Variants in KCNB2 observed in about 807,000 individuals in gnomAD.
The protein encoded by KCNB2 is delayed rectifier potassium channel protein.
Under a neutral mutation model 61.5 loss-of-function variants are expected in KCNB2, and 15 were observed. That is an observed-to-expected ratio of 0.24 (90% CI 0.16 to 0.38). The LOEUF (loss-of-function observed/expected upper bound fraction) is 0.38. KCNB2 is among the 10% of genes least tolerant of loss of function. The probability of loss-of-function intolerance (pLI) is 1.00; values close to 1 mark genes in which losing one functional copy is unlikely to be tolerated. For missense variants in KCNB2, 828 were observed against 1,125.2 expected (o/e 0.74, Z 3.78); for synonymous variants, 457 against 446.0 (o/e 1.02, Z -0.31).
At chr8:72,665,233 A>G (rs1357438753) in intron 2 of KCNB2, among the ~76,000 whole-genome samples, 1 of 152,212 alleles carries the variant, frequency 6.6e-6, no homozygotes. Context: ...AACCCAAACA[A>G]GAGGACCACG....
intron 1 of KCNB2, among the ~76,000 whole-genome samples, chr8:72,555,497 T>C (rs1191858569): frequency 1.3e-5 from 2 of 151,868 alleles, no homozygotes; most frequent in African/African-American, 4.8e-5. Flanking sequence ...TACACCGACA[T>C]GTTCTTTTAT....
chr8:72,684,155 T>C (rs1806809362), intron 2 of KCNB2, among the ~76,000 whole-genome samples: 1 of 152,066 alleles, frequency 6.6e-6, no homozygotes, highest in Admixed American at 6.6e-5. Context: ...TCTACAGGGG[T>C]TGGTAACTGA....
intron 2 of KCNB2, among the ~76,000 whole-genome samples, chr8:72,630,724 A>C (rs1425096880): frequency 2.0e-5 from 3 of 152,204 alleles, no homozygotes; most frequent in Non-Finnish European, 4.4e-5. Flanking sequence ...TAATTGCCCA[A>C]ATTAGTGGCC....
chr8:72,560,824 T>C (rs1806499367), intron 1 of KCNB2, among the ~76,000 whole-genome samples: 1 of 152,202 alleles, frequency 6.6e-6, no homozygotes, highest in Admixed American at 6.5e-5. Flanking sequence ...TTTTTTCTGG[T>C]CAGCTATGTT....
At chr8:72,561,708 T>TAC (rs1672695308) in intron 1 of KCNB2, among the ~76,000 whole-genome samples, 3 of 21,096 alleles carry the variant, frequency 1.4e-4, no homozygotes, top group African/African-American at 5.6e-4. Context: ...TATATATATA[T>TAC]ATATATATAT....
intron 2 of KCNB2, among the ~76,000 whole-genome samples, chr8:72,907,987 A>G (rs1806208235): frequency 6.6e-6 from 1 of 152,164 alleles, no homozygotes; most frequent in Non-Finnish European, 1.5e-5. Context: ...AAGACCATTT[A>G]TCTCTTCTTC....
rs180927709 is a variant in KCNB2, at chr8:72,791,582, A to G, written c.580-144353A>G. 1.5e-3 allele frequency among the ~76,000 whole-genome samples: 223 copies of G among 152,206 alleles called. 1 individual carries two copies. Among genetic ancestry groups the G allele is most frequent in the Non-Finnish European group, 2.3e-3 (158 of 68,004 alleles). On this transcript the variant is annotated intron_variant, in intron 2 of 2. Transcript: ENST00000523207. ...AAAGAAAGAAAGAAAGAACTCTTGGATCCAGGCTTCACTTACTCCTTAGAG... is the reference window on the plus strand; with the variant it reads ...AAAGAAAGAAAGAAAGAACTCTTGGGTCCAGGCTTCACTTACTCCTTAGAG...
chr8:72,593,784 A>G (rs1367685945), intron 2 of KCNB2, among the ~76,000 whole-genome samples: 1 of 152,180 alleles, frequency 6.6e-6, no homozygotes, highest in African/African-American at 2.4e-5. Flanking sequence ...GCCATTTTTT[A>G]TGGCATTTAA....
chr8:72,624,333 G>GT (rs1302627776), intron 2 of KCNB2, among the ~76,000 whole-genome samples: 2 of 152,260 alleles, frequency 1.3e-5, no homozygotes, highest in Non-Finnish European at 2.9e-5. Flanking sequence ...CGAAGAAGAA[G>GT]CACACATTAA....
At chr8:72,890,107 T>C (rs114982207) in intron 2 of KCNB2, among the ~76,000 whole-genome samples, 4,674 of 152,324 alleles carry the variant, frequency 0.031, 236 homozygotes, top group African/African-American at 0.11. Context: ...GAACATGTTC[T>C]TTAATCATCT....
At chr8:72,817,566 G>A (rs962369695) in intron 2 of KCNB2, among the ~76,000 whole-genome samples, 3 of 152,148 alleles carry the variant, frequency 2.0e-5, no homozygotes, top group Admixed American at 6.5e-5. Flanking sequence ...GAGGGTGACT[G>A]ATCAGATTTC....
chr8:72,616,254 T>C (rs1344325876), intron 2 of KCNB2, among the ~76,000 whole-genome samples: 1 of 152,222 alleles, frequency 6.6e-6, no homozygotes. Flanking sequence ...TGGTATAAAA[T>C]TAGATCTGCA....
chr8:72,715,296 C>T (rs1326261508), intron 2 of KCNB2, among the ~76,000 whole-genome samples: 1 of 152,192 alleles, frequency 6.6e-6, no homozygotes, highest in Non-Finnish European at 1.5e-5. Flanking sequence ...GAACTCGGCT[C>T]TGCACCAAGC....
intron 1 of KCNB2, among the ~76,000 whole-genome samples, chr8:72,541,222 A>G (rs1489769300): frequency 6.6e-6 from 1 of 151,840 alleles, no homozygotes; most frequent in Non-Finnish European, 1.5e-5. Context: ...TTTTAAATGT[A>G]GAGTATTATG....
intron 2 of KCNB2, among the ~76,000 whole-genome samples, chr8:72,606,430 G>A (rs1236849765): frequency 6.6e-6 from 1 of 152,128 alleles, no homozygotes; most frequent in Non-Finnish European, 1.5e-5. Context: ...AATGGGAAAT[G>A]CATCAAAGTT....
At chr8:72,784,697 C>T (rs1808818619) in intron 2 of KCNB2, among the ~76,000 whole-genome samples, 1 of 152,132 alleles carries the variant, frequency 6.6e-6, no homozygotes, top group Admixed American at 6.6e-5. Context: ...ATCTAATCAC[C>T]TCACATGAGG....
chr8:72,669,175 G>A (rs1806523995), intron 2 of KCNB2, among the ~76,000 whole-genome samples: 1 of 152,108 alleles, frequency 6.6e-6, no homozygotes, highest in African/African-American at 2.4e-5. Flanking sequence ...AAAGCTACCT[G>A]TTCTTCCAGC....
intron 1 of KCNB2, among the ~76,000 whole-genome samples, chr8:72,564,393 G>A (rs770715292): frequency 6.6e-6 from 1 of 152,064 alleles, no homozygotes; most frequent in Non-Finnish European, 1.5e-5. Context: ...CTTCATGTTA[G>A]TATAAAACAT....
At chr8:72,629,068 C>T (rs1242013040) in intron 2 of KCNB2, among the ~76,000 whole-genome samples, 2 of 152,016 alleles carry the variant, frequency 1.3e-5, no homozygotes, top group Non-Finnish European at 2.9e-5. Flanking sequence ...ACACCACAGA[C>T]AAAAAAAGAA....
Sources: allele counts gnomAD v4.1 joint callset (sites outside exome capture counted in the v4.1 genomes callset), GRCh38; gene constraint gnomAD v4.1.1; transcripts MANE v1.5; gene names NCBI Gene and HGNC (gene_info 2026-07-23, HGNC 2026-07-21).